Variants in DECR1 observed in about 807,000 individuals in gnomAD.
DECR1 encodes the protein 2,4-dienoyl-CoA reductase 1.
Under a neutral mutation model 38.8 loss-of-function variants are expected in DECR1, and 44 were observed. The ratio of observed to expected loss-of-function variants is 1.13; its 90% confidence interval spans 0.89 to 1.46. The LOEUF is 1.46. DECR1 is among the 40% of genes most tolerant of loss of function. The pLI, the probability that DECR1 is intolerant of heterozygous loss-of-function variation, is 0.00. For missense variants in DECR1, 428 were observed against 405.5 expected (o/e 1.06, Z -0.48); for synonymous variants, 148 against 135.2 (o/e 1.09, Z -0.66).
intron 6 of DECR1, chr8:90,042,419 G>A (rs986620247): frequency 3.8e-6 from 1 of 259,812 alleles, no homozygotes; most frequent in South Asian, 9.6e-5. Context: ...AACTACAAAT[G>A]GTAGGTGGTG....
chr8:90,051,601 TA>T (rs1814095156), intron 8 of DECR1, 75 bp from the exon 9 acceptor site: 4 of 1,131,902 alleles, frequency 3.5e-6, no homozygotes, highest in Admixed American at 1.9e-5. Context: ...ATCCAATTAG[TA>T]TGGGAAAATG....
chr8:90,031,876 C>A (rs948227199), intron 5 of DECR1, among the ~76,000 whole-genome samples: 1 of 151,814 alleles, frequency 6.6e-6, no homozygotes, highest in East Asian at 1.9e-4. Flanking sequence ...CTTTATCCTT[C>A]GGTGATAGGT....
chr8:90,034,430 ATTTATTTATTTGTTTGTTTG>A (rs1813569727), intron 5 of DECR1, among the ~76,000 whole-genome samples: 2 of 151,282 alleles, frequency 1.3e-5, no homozygotes, highest in African/African-American at 4.9e-5. Flanking sequence ...TTATTTGTTT[ATTTATTTATTTGTTTGTTTG>A]TTTATTTATT....
At chr8:90,026,966 C>T (rs887859893) in intron 5 of DECR1, among the ~76,000 whole-genome samples, 1 of 152,192 alleles carries the variant, frequency 6.6e-6, no homozygotes, top group African/African-American at 2.4e-5. Flanking sequence ...TTTCTGCTTT[C>T]ATTTCGTTAT....
intron 1 of DECR1, chr8:90,006,384 A>G (rs1812740622): frequency 2.9e-6 from 2 of 695,614 alleles, no homozygotes; most frequent in Middle Eastern, 2.7e-4. Context: ...TGTTTTAAAC[A>G]GGAGAGTAGT....
chr8:90,031,469 A>G (rs943711946), intron 5 of DECR1, among the ~76,000 whole-genome samples: 2 of 152,218 alleles, frequency 1.3e-5, no homozygotes, highest in African/African-American at 4.8e-5. Context: ...ACTTAAAAAT[A>G]GCAGCCTACA....
chr8:90,006,198 C>G (rs1812735785), intron 1 of DECR1: 6 of 703,930 alleles, frequency 8.5e-6, no homozygotes, highest in Non-Finnish European at 1.6e-5. Context: ...CAGAAAGAAG[C>G]CTGGAGTTGT....
chr8:90,031,518 G>T (rs1310540408), intron 5 of DECR1, among the ~76,000 whole-genome samples: 2 of 152,082 alleles, frequency 1.3e-5, no homozygotes, highest in African/African-American at 4.8e-5. Flanking sequence ...AATGAGAAAA[G>T]TGTTTCCTTA....
At chr8:90,027,211 G>A (rs1025182244) in intron 5 of DECR1, among the ~76,000 whole-genome samples, 2 of 152,184 alleles carry the variant, frequency 1.3e-5, no homozygotes, top group Admixed American at 6.5e-5. Context: ...GATTTGGGGT[G>A]GAGAGTTCTG....
At chr8:90,016,508 C>T (rs1320774932) in intron 1 of DECR1, among the ~76,000 whole-genome samples, 1 of 151,880 alleles carries the variant, frequency 6.6e-6, no homozygotes, top group African/African-American at 2.4e-5. Context: ...GTGGTGTGTG[C>T]CTGTAATCCC....
intron 1 of DECR1, among the ~76,000 whole-genome samples, chr8:90,010,386 A>G (rs1470678246): frequency 1.3e-5 from 2 of 152,208 alleles, no homozygotes; most frequent in East Asian, 3.8e-4. Flanking sequence ...TATCCCTTGT[A>G]TTACCAGATA....
intron 1 of DECR1, among the ~76,000 whole-genome samples, chr8:90,011,399 A>G (rs972376): frequency 0.078 from 11,886 of 152,204 alleles, 1,446 homozygotes; most frequent in African/African-American, 0.26. Context: ...TTCTATTACA[A>G]ACAATTCTTT....
intron 1 of DECR1, chr8:90,015,574 C>T: frequency 2.2e-6 from 1 of 446,358 alleles, no homozygotes; most frequent in Non-Finnish European, 4.5e-6. Context: ...TCATTGACCA[C>T]ATTTCTTATT....
intron 5 of DECR1, among the ~76,000 whole-genome samples, chr8:90,033,794 C>T (rs1440151819): frequency 6.6e-6 from 1 of 152,144 alleles, no homozygotes; most frequent in African/African-American, 2.4e-5. Flanking sequence ...ACTCCTTTCC[C>T]ACACTTGGAG....
intron 8 of DECR1, among the ~76,000 whole-genome samples, chr8:90,047,169 T>A (rs183827569): frequency 0.023 from 3,568 of 152,144 alleles, 135 homozygotes; most frequent in African/African-American, 0.081. Flanking sequence ...CAGGATCAAA[T>A]TCACACATAA....
intron 8 of DECR1, among the ~76,000 whole-genome samples, chr8:90,046,298 G>A (rs72671865): frequency 0.016 from 2,370 of 152,264 alleles, 21 homozygotes; most frequent in Non-Finnish European, 0.025. Flanking sequence ...CTTGATAAAA[G>A]ATTAGATGAT....
chr8:90,040,345 G>A, intron 6 of DECR1, among the ~76,000 whole-genome samples: 1 of 152,130 alleles, frequency 6.6e-6, no homozygotes, highest in Non-Finnish European at 1.5e-5. Context: ...TACATTCATG[G>A]ATTAAGTCAG....
At chr8:90,004,653 A>AT (rs886956793) in intron 1 of DECR1, among the ~76,000 whole-genome samples, 15 of 151,950 alleles carry the variant, frequency 9.9e-5, no homozygotes, top group East Asian at 1.9e-4. Flanking sequence ...TGTTTTCTTT[A>AT]TTTTTTTTAA....
intron 5 of DECR1, among the ~76,000 whole-genome samples, chr8:90,027,345 G>A (rs1454711288): frequency 6.6e-6 from 1 of 152,140 alleles, no homozygotes; most frequent in Non-Finnish European, 1.5e-5. Context: ...CATTATTATT[G>A]TGTGGGCGTC....
Sources: allele counts gnomAD v4.1 joint callset (sites outside exome capture counted in the v4.1 genomes callset), GRCh38; gene constraint gnomAD v4.1.1; transcripts MANE v1.5; gene names NCBI Gene and HGNC (gene_info 2026-07-23, HGNC 2026-07-21).